The following UTP11 variants were observed in gnomAD, a reference collection of about 807,000 sequenced individuals.
The protein encoded by UTP11 is probable U3 small nucleolar RNA-associated protein 11.
A neutral mutation model predicts 39.0 loss-of-function variants in UTP11; 29 were observed. The observed-to-expected ratio is 0.74, with a 90% CI of 0.55 to 1.01. The LOEUF is 1.01. UTP11 is among the 50% of genes least tolerant of loss of function. The pLI is 0.00. For synonymous variants in UTP11, 111 were observed against 105.0 expected (o/e 1.06, Z -0.35); for missense variants, 281 against 306.0 (o/e 0.92, Z 0.61).
chr1:38,013,002 G>C (rs1273214447), intron 1 of UTP11, 137 bp downstream of exon 1: 13 of 1,093,672 alleles, frequency 1.2e-5, no homozygotes, highest in Non-Finnish European at 1.7e-5. Context: ...AATGACGCTG[G>C]CGTGGCTGGG....
intron 7 of UTP11, 85 bp downstream of exon 7, chr1:38,022,894 C>T (rs776854866): frequency 5.4e-5 from 51 of 951,022 alleles, no homozygotes; most frequent in Non-Finnish European, 7.0e-5. Context: ...TAGATTTCAG[C>T]TGTGTGTAAA....
chr1:38,017,809 C>T, intron 3 of UTP11, 39 bp downstream of exon 3: 1 of 1,512,262 alleles, frequency 6.6e-7, no homozygotes, highest in South Asian at 1.2e-5. Context: ...TTGAGCTCCA[C>T]ACATTGGAAA....
rs1646756708 is a variant in UTP11 at position 38,024,773 on chromosome 1, A to G, written c.*1145A>G. The G allele has an allele frequency of 6.6e-6, 1 of 152,330 alleles. No individual in the cohort carries two copies. Among genetic ancestry groups the G allele is most frequent in the East Asian group, 1.9e-4 (1 of 5,188 alleles). 9.4% of individuals were successfully genotyped at this position (152,330 alleles called of 1,614,324 possible). On this transcript the variant is annotated 3_prime_UTR_variant, in exon 8 of 8. Coordinates refer to ENST00000373014, the MANE Select transcript of UTP11 (RefSeq NM_016037.4). ...TTGTTACATCACAAAAGTTTTTTAC[A>G]GTAATATATGCTAGAGTAAACGTTA...
At chr1:38,015,116 G>A (rs1218621671) in intron 1 of UTP11, among the ~76,000 whole-genome samples, 1 of 152,082 alleles carries the variant, frequency 6.6e-6, no homozygotes, top group African/African-American at 2.4e-5. Flanking sequence ...TCCGCCTCCC[G>A]TGTTCAAGCA....
Position 38,023,700 on chromosome 1 carries a change from T to TTGGAGTAATGGAATTTG in UTP11, c.*72_*73insTGGAGTAATGGAATTTG. ...GTTTTCTAGTAACTTCAAATTCCATTACTCCAAATGGCATGGTTTTCCGGT... is the reference window on the plus strand; with the variant it reads ...GTTTTCTAGTAACTTCAAATTCCATTTGGAGTAATGGAATTTGACTCCAAATGGCATGGTTTTCCGGT... On this transcript the variant is annotated 3_prime_UTR_variant, in exon 8 of 8. Transcript: ENST00000373014. 1 of 1,365,542 alleles carries TTGGAGTAATGGAATTTG rather than the reference T, an allele frequency of 7.3e-7. No individual in the cohort carries two copies. The highest frequency in any genetic ancestry group is 1.0e-6 in the Non-Finnish European group (1 of 985,094). The allele number at this position is 1,365,542 out of a possible 1,614,324, so 84.6% of individuals were successfully genotyped here. A position where few individuals can be genotyped will look rare whatever the true frequency, so the allele number is the denominator to read the frequency against.
At chr1:38,021,495 G>A (rs150922255) in intron 6 of UTP11, among the ~76,000 whole-genome samples, 23 of 152,344 alleles carry the variant, frequency 1.5e-4, no homozygotes, top group African/African-American at 4.8e-4. Context: ...CCATGAGTGA[G>A]CTTTAGGAGG....
chr1:38,023,153 T>C (rs987556773), intron 7 of UTP11, among the ~76,000 whole-genome samples: 1 of 152,236 alleles, frequency 6.6e-6, no homozygotes, highest in East Asian at 1.9e-4. Flanking sequence ...GACAACATTG[T>C]GTAGTTAAAT....
At chr1:38,016,215 G>A in intron 1 of UTP11, 144 bp from the exon 2 acceptor site, 2 of 773,990 alleles carry the variant, frequency 2.6e-6, no homozygotes, top group Non-Finnish European at 4.3e-6. Context: ...TGTGGGGAGG[G>A]GAGGGAACAG....
chr1:38,016,487 A>G (rs185497057), intron 2 of UTP11, 67 bp downstream of exon 2: 33 of 1,535,572 alleles, frequency 2.1e-5, no homozygotes, highest in Non-Finnish European at 3.0e-5. Flanking sequence ...CTGCAGCTGA[A>G]TTGCCTGAGT....
At chr1:38,021,070 C>T (rs560293502) in intron 6 of UTP11, among the ~76,000 whole-genome samples, 3 of 152,120 alleles carry the variant, frequency 2.0e-5, no homozygotes, top group East Asian at 3.9e-4. Context: ...TACAGGTGCC[C>T]GCCACCACGC....
In UTP11 at chr1:38,017,844, G is replaced by A. The variant is rs564143646; in HGVS notation, c.228+74G>A. 25 of 1,335,112 alleles carry A rather than the reference G, an allele frequency of 1.9e-5. No homozygotes were observed. The South Asian group carries it at 2.9e-4, about 15-fold the overall frequency. 82.7% of individuals were successfully genotyped at this position (1,335,112 alleles called of 1,614,324 possible). A position where few individuals can be genotyped will look rare whatever the true frequency, so the allele number is the denominator to read the frequency against. On this transcript the variant is annotated intron_variant, in intron 3 of 7. Coordinates refer to ENST00000373014, the MANE Select transcript of UTP11 (RefSeq NM_016037.4). ...AATAAGGACAGGGAGGAGATGGAGAGGAAGAATCGTTGGCCTTAATTTAAC... is the reference window on the plus strand; with the variant it reads ...AATAAGGACAGGGAGGAGATGGAGAAGAAGAATCGTTGGCCTTAATTTAAC...
chr1:38,020,898 A>T (rs533005662), intron 6 of UTP11, among the ~76,000 whole-genome samples: 3 of 151,814 alleles, frequency 2.0e-5, no homozygotes, highest in Admixed American at 6.6e-5. Flanking sequence ...TTCTTGTGAT[A>T]ACCCTGTTGT....
chr1:38,016,658 A>G, intron 2 of UTP11: 1 of 459,594 alleles, frequency 2.2e-6, no homozygotes, highest in Non-Finnish European at 4.0e-6. Context: ...ATGTTGTTCC[A>G]GATCATTTTC....
chr1:38,023,761 A>G lies in UTP11; in HGVS notation c.*133A>G, dbSNP rs1206974125. ...AACTAAATTGTCAGTCTGACATTTA[A>G]TGTCTTTCTATGGACAACATTAAAT... On this transcript the variant is annotated 3_prime_UTR_variant, in exon 8 of 8. Transcript: ENST00000373014. 2 of 625,442 alleles carry G rather than the reference A, an allele frequency of 3.2e-6. No homozygotes were observed. Among genetic ancestry groups the G allele is most frequent in the African/African-American group, 3.8e-5 (2 of 52,746 alleles). The allele number at this position is 625,442 out of a possible 1,614,324, so 38.7% of individuals were successfully genotyped here.
In UTP11 at chr1:38,023,697, C is replaced by T. The variant is rs1451855160; in HGVS notation, c.*69C>T. 1 of 1,396,222 alleles carries T rather than the reference C, an allele frequency of 7.2e-7. No homozygotes were observed. The highest frequency in any genetic ancestry group is 2.4e-5 in the East Asian group (1 of 41,760). The allele number at this position is 1,396,222 out of a possible 1,614,324, so 86.5% of individuals were successfully genotyped here. Reference sequence around the variant, plus strand: ...GTCGTTTTCTAGTAACTTCAAATTCCATTACTCCAAATGGCATGGTTTTCC... The same window carrying T: ...GTCGTTTTCTAGTAACTTCAAATTCTATTACTCCAAATGGCATGGTTTTCC... On this transcript the variant is annotated 3_prime_UTR_variant, in exon 8 of 8. Transcript: ENST00000373014.
At chr1:38,017,996 C>G (rs1570500257) in intron 3 of UTP11, among the ~76,000 whole-genome samples, 1 of 152,018 alleles carries the variant, frequency 6.6e-6, no homozygotes, top group East Asian at 1.9e-4. Context: ...GGACAGATGA[C>G]TGGAGGTGCT....
intron 7 of UTP11, among the ~76,000 whole-genome samples, chr1:38,023,075 GA>G (rs1646747596): frequency 1.3e-5 from 2 of 152,188 alleles, no homozygotes; most frequent in African/African-American, 4.8e-5. Flanking sequence ...TATAGCTTAT[GA>G]GCAGCTCCCG....
intron 6 of UTP11, among the ~76,000 whole-genome samples, chr1:38,022,184 A>C (rs1031646599): frequency 3.3e-5 from 5 of 152,076 alleles, no homozygotes; most frequent in Admixed American, 6.6e-5. Flanking sequence ...TGACTGTGGC[A>C]CTCACACAAA....
intron 1 of UTP11, among the ~76,000 whole-genome samples, chr1:38,013,676 C>G (rs1646690965): frequency 1.3e-5 from 2 of 152,112 alleles, no homozygotes; most frequent in Admixed American, 1.3e-4. Flanking sequence ...GAACTAAGGC[C>G]TCTTAACTAC....
Sources: gnomAD v4.1 joint callset for allele counts (sites outside exome capture counted in the v4.1 genomes callset) on GRCh38, gnomAD v4.1.1 for gene constraint, MANE v1.5 for transcripts, NCBI Gene and HGNC (gene_info 2026-07-23, HGNC 2026-07-21) for gene names.